Variants in UPF2 observed in about 807,000 individuals in gnomAD.
UPF2 encodes regulator of nonsense transcripts 2.
UPF2 carries 17 observed loss-of-function variants against 141.4 expected under a neutral mutation model. The observed-to-expected ratio is 0.12, with a 90% confidence interval of 0.08 to 0.18. The LOEUF (loss-of-function observed/expected upper bound fraction) is 0.18, where lower values mean the gene tolerates loss of function less well. Among genes scored for constraint, UPF2 ranks in the 10% least tolerant of loss-of-function variants. UPF2 has a pLI of 1.00. For synonymous variants in UPF2, 540 were observed against 498.0 expected (o/e 1.08, Z -1.12); for missense variants, 1,152 against 1,515.9 (o/e 0.76, Z 3.99).
intron 4 of UPF2, 135 bp from the exon 5 acceptor site, chr10:12,004,862 A>G: frequency 1.6e-5 from 13 of 794,734 alleles, no homozygotes; most frequent in Non-Finnish European, 2.5e-5. Context: ...TTCAATTAAC[A>G]AGCACATGTG....
rs139058977 is a variant in UPF2 at position 11,946,932 on chromosome 10, C to T, written c.3174+1437G>A. ...AAACTGAAGAATCATGGGCCAAATGCGGCTCACGCCTGTACTCCCAGCATT... is the reference window on the plus strand; with the variant it reads ...AAACTGAAGAATCATGGGCCAAATGTGGCTCACGCCTGTACTCCCAGCATT... On this transcript the variant is annotated intron_variant, in intron 16 of 21. Transcript: ENST00000357604. Among the ~76,000 whole-genome samples the T allele has an allele frequency of 1.6e-3, 240 of 152,276 alleles. 1 individual carries two copies. Among genetic ancestry groups the T allele is most frequent in the African/African-American group, 5.3e-3 (219 of 41,558 alleles).
chr10:11,931,028 A>T lies in UPF2; in HGVS notation c.3688+613T>A, dbSNP rs1832776563. Among the ~76,000 whole-genome samples the T allele has an allele frequency of 6.6e-6, 1 of 152,164 alleles. No individual in the cohort carries two copies. Among genetic ancestry groups the T allele is most frequent in the African/African-American group, 2.4e-5 (1 of 41,434 alleles). On this transcript the variant is annotated intron_variant, in intron 20 of 21. Transcript: ENST00000357604. The surrounding 1 kb of genome is among the most constrained non-coding windows in gnomAD (Gnocchi z 5.9). ...TCCAACTAACTGAAAAATGCTGGGT[A>T]TGTATGCATAAAATGAGAATCCTAA... is the stretch of plus-strand genomic sequence containing the variant.
intron 9 of UPF2, among the ~76,000 whole-genome samples, chr10:11,977,564 C>T (rs949716727): frequency 6.6e-6 from 1 of 152,196 alleles, no homozygotes; most frequent in Non-Finnish European, 1.5e-5. Flanking sequence ...CTTGGTCCAG[C>T]AACTTGTGTT....
At chr10:11,975,178 G>GT (rs1212445967) in intron 9 of UPF2, among the ~76,000 whole-genome samples, 1 of 152,106 alleles carries the variant, frequency 6.6e-6, no homozygotes, top group African/African-American at 2.4e-5. Flanking sequence ...GGAGGATTGC[G>GT]TGAGTCCAGA....
At position 11,955,272 on chromosome 10, in the gene UPF2, G is replaced by C; in HGVS notation, c.2810C>G (p.Ser937Cys). 2 of 1,598,064 alleles carry C rather than the reference G, an allele frequency of 1.3e-6. No homozygotes were observed. Among genetic ancestry groups the C allele is most frequent in the East Asian group, 4.5e-5 (2 of 44,554 alleles). ...GAAACAATCAAGTTTTCGTTTACTG[G>C]AACCTCTGTCAAAGTACTGGCCACA... Reference protein sequence around the residue: ...DTCGQYFDRGSSKRKLDCFLV... With the variant: ...DTCGQYFDRGCSKRKLDCFLV... Residue 937 changes from serine to cysteine, a missense_variant, in exon 14 of 22, where the codon TCC becomes TGC. Around this residue, in one of 4 missense-constraint regions of UPF2, gnomAD observed 739 missense variants for 1,032.2 expected, o/e 0.72. Coordinates refer to ENST00000357604, the MANE Select transcript of UPF2 (RefSeq NM_015542.4).
Position 11,936,136 on chromosome 10 carries a change from G to A in UPF2, c.3546+409C>T, listed in dbSNP as rs534429386. Among the ~76,000 whole-genome samples, 539 of 152,222 alleles carry A rather than the reference G, an allele frequency of 3.5e-3. 2 individuals are homozygous for A. Among genetic ancestry groups the A allele is most frequent in the Non-Finnish European group, 6.4e-3 (436 of 67,998 alleles). On this transcript the variant is annotated intron_variant, in intron 19 of 21. Coordinates refer to ENST00000357604, the MANE Select transcript of UPF2 (RefSeq NM_015542.4). The surrounding 1 kb of genome is among the most constrained non-coding windows in gnomAD (Gnocchi z 6.6). ...TATAATCCAAGCACTTTGGGAGGCCGAGATGGGCAGATCACCTGAGGTCAG... is the reference window on the plus strand; with the variant it reads ...TATAATCCAAGCACTTTGGGAGGCCAAGATGGGCAGATCACCTGAGGTCAG...
Position 11,921,948 on chromosome 10 carries a change from G to A in UPF2, c.3810-641C>T, listed in dbSNP as rs144181139. ...ATTTGGAAACAAGGTTGCTGTAGAC[G>A]TAATTACTTCAGATAAGGCCATACT... On this transcript the variant is annotated intron_variant, in intron 21 of 21. Transcript: ENST00000357604. This position sits in a 1 kb window ranked among gnomAD's most constrained non-coding sequence, Gnocchi z 5.9. 7.8e-4 allele frequency among the ~76,000 whole-genome samples: 119 copies of A among 152,278 alleles called. No individual in the cohort carries two copies. Among genetic ancestry groups the A allele is most frequent in the African/African-American group, 2.7e-3 (112 of 41,566 alleles).
chr10:12,035,298 C>G lies in UPF2; in HGVS notation c.126G>C (p.Lys42Asn), dbSNP rs767963133. ...SSKERPKDDI[K>N]LTAKKEVSKA... ...TGCTGACCTCCTTCTTGGCAGTGAGCTTGATATCGTCTTTTGGCCTCTCCT... is the reference window on the plus strand; with the variant it reads ...TGCTGACCTCCTTCTTGGCAGTGAGGTTGATATCGTCTTTTGGCCTCTCCT... The change falls in exon 2 of 22, where the codon AAG becomes AAC. Residue 42 changes from lysine (K) to asparagine (N), a missense_variant. This residue lies in a region of UPF2 where 145 missense variants were observed against 136.5 expected (regional missense o/e 1.06). Transcript: ENST00000357604. The G allele has an allele frequency of 6.2e-6, 10 of 1,613,960 alleles. No individual in the cohort carries two copies. The highest frequency in any genetic ancestry group is 3.3e-5 in the Admixed American group (2 of 59,976).
At chr10:11,982,048 A>G (rs1833606191) in intron 8 of UPF2, among the ~76,000 whole-genome samples, 2 of 151,850 alleles carry the variant, frequency 1.3e-5, no homozygotes, top group African/African-American at 4.8e-5. Context: ...AAAAAAAAAA[A>G]GCCTGGAGCA....
At position 11,935,838 on chromosome 10, in the gene UPF2, T is replaced by C. The variant is rs763124625; in HGVS notation, c.3546+707A>G. 6.6e-6 allele frequency among the ~76,000 whole-genome samples: 1 copy of C among 151,942 alleles called. No homozygotes were observed. Among genetic ancestry groups the C allele is most frequent in the Admixed American group, 6.6e-5 (1 of 15,242 alleles). On this transcript the variant is annotated intron_variant, in intron 19 of 21. Coordinates refer to ENST00000357604, the MANE Select transcript of UPF2 (RefSeq NM_015542.4). This position sits in a 1 kb window ranked among gnomAD's most constrained non-coding sequence, Gnocchi z 4.9. ...AACTATGGATCGCTAGAGTAACAGC[T>C]TGGTAGAGGGGGAAACGGTTTTGAG...
In UPF2 at chr10:12,042,438, C is replaced by T. The variant is rs1160764154; in HGVS notation, c.-19+317G>A. On this transcript the variant is annotated intron_variant, in intron 1 of 21. Transcript: ENST00000357604. This position sits in a 1 kb window ranked among gnomAD's most constrained non-coding sequence, Gnocchi z 5.5. ...TCGCTCTCCTCCACGCCCCCGAACA[C>T]TTTCGCCCCTCCACCGCGGGCTCCC... 6.6e-6 allele frequency among the ~76,000 whole-genome samples: 1 copy of T among 152,150 alleles called. No individual in the cohort carries two copies. The highest frequency in any genetic ancestry group is 1.5e-5 in the Non-Finnish European group (1 of 68,024).
In UPF2 at chr10:12,035,375, A is replaced by G. The variant is rs1421786603; in HGVS notation, c.49T>C (p.Leu17=). 1.3e-6 allele frequency: 2 copies of G among 1,599,402 alleles called. No individual in the cohort carries two copies. Among genetic ancestry groups the G allele is most frequent in the Non-Finnish European group, 1.7e-6 (2 of 1,176,534 alleles). Residue 17 remains leucine (L), a synonymous_variant, in exon 2 of 22, where the codon TTA becomes CTA. Transcript: ENST00000357604. ...KPASMEEKDS[L]PNNKEKDCSE... is the part of the protein sequence containing the mutation. The stretch of plus-strand genomic sequence containing the variant: ...CAGTCTTTTTCCTTGTTGTTTGGTA[A>G]AGAGTCTTTTTCTTCCATACTTGCT...
rs762568543 is a variant in UPF2, at chr10:11,952,185, A to G, written c.2915T>C (p.Ile972Thr). ...TAGTGTATCACTGATCATGTAATCT[A>G]TATCAATAGGAAATGGATGGTCTTT... ...WTKDHPFPID[I>T]DYMISDTLEL... is the part of the protein sequence containing the mutation. The change falls in exon 15 of 22, where the codon ATA becomes ACA. Residue 972 changes from isoleucine (I) to threonine (T), a missense_variant. Transcript: ENST00000357604. The G allele has an allele frequency of 9.3e-6, 15 of 1,613,710 alleles. No homozygotes were observed. The highest frequency in any genetic ancestry group is 6.7e-5 in the East Asian group (3 of 44,848).
chr10:11,969,315 G>A (rs918685843), intron 9 of UPF2, among the ~76,000 whole-genome samples: 6 of 151,696 alleles, frequency 4.0e-5, no homozygotes, highest in East Asian at 3.9e-4. Context: ...GATTACAGGC[G>A]CCCGCCACCA....
Position 11,931,747 on chromosome 10 carries a change from A to C in UPF2, c.3582T>G (p.Leu1194=), listed in dbSNP as rs758938805. Residue 1194 remains leucine, a synonymous_variant, in exon 20 of 22, where the codon CTT becomes CTG. Transcript: ENST00000357604. The surrounding 1 kb of genome is among the most constrained non-coding windows in gnomAD (Gnocchi z 5.9). ...GTTGCTGGTTCCAGTGATTTGCAGCAAGTTGAGAGGACATGGGTACATTAA... is the reference window on the plus strand; with the variant it reads ...GTTGCTGGTTCCAGTGATTTGCAGCCAGTTGAGAGGACATGGGTACATTAA... ...KILNVPMSSQ[L]AANHWNQQQA... is the part of the protein sequence containing the mutation. 2.5e-6 allele frequency: 4 copies of C among 1,613,312 alleles called. No individual in the cohort carries two copies. In the African/African-American group the frequency reaches 5.3e-5, roughly 22 times the overall value.
intron 2 of UPF2, among the ~76,000 whole-genome samples, chr10:12,032,467 G>A (rs559604473): frequency 2.0e-5 from 3 of 152,106 alleles, no homozygotes; most frequent in South Asian, 4.1e-4. Flanking sequence ...CTAGGTAGAT[G>A]GGGGACTAGT....
intron 9 of UPF2, among the ~76,000 whole-genome samples, chr10:11,968,319 C>T (rs186890701): frequency 9.9e-4 from 150 of 152,256 alleles, no homozygotes; most frequent in African/African-American, 2.3e-3. Context: ...GAATTTTACC[C>T]GGCCTAAGGA....
chr10:12,014,290 T>A lies in UPF2; in HGVS notation c.1146-106A>T. The stretch of plus-strand genomic sequence containing the variant: ...ATTTGATTTTCTCATACAAATTTAG[T>A]AAAATCTTCATTTTTATTTAACATT... On this transcript the variant is annotated intron_variant, in intron 3 of 21. Coordinates refer to ENST00000357604, the MANE Select transcript of UPF2 (RefSeq NM_015542.4). This position sits in a 1 kb window ranked among gnomAD's most constrained non-coding sequence, Gnocchi z 5.0. 1 of 1,095,202 alleles carries A rather than the reference T, an allele frequency of 9.1e-7. No individual in the cohort carries two copies. Among genetic ancestry groups the A allele is most frequent in the Non-Finnish European group, 1.2e-6 (1 of 849,010 alleles). The allele number at this position is 1,095,202 out of a possible 1,614,324, so 67.8% of individuals were successfully genotyped here. A position where few individuals can be genotyped will look rare whatever the true frequency, so the allele number is the denominator to read the frequency against.
At position 11,942,669 on chromosome 10, in the gene UPF2, A is replaced by G; in HGVS notation, c.3374T>C (p.Leu1125Pro). ...GAAACAAATGACATTTAATACCTGT[A>G]GATTTTCTAGCATCATTTTATCCAG... The part of the protein sequence containing the change: ...QALDKMMLEN[L>P]QQRSGESVKV... Residue 1125 changes from leucine (L) to proline (P), a missense_variant, in exon 18 of 22, where the codon CTA becomes CCA. Physicochemically the swap from Leu to Pro is moderately conservative, Grantham distance 98. This residue lies in a region of UPF2 where 202 missense variants were observed against 223.6 expected (regional missense o/e 0.90). Coordinates refer to ENST00000357604, the MANE Select transcript of UPF2 (RefSeq NM_015542.4). 6.2e-7 allele frequency: 1 copy of G among 1,613,414 alleles called. No homozygotes were observed. Among genetic ancestry groups the G allele is most frequent in the Non-Finnish European group, 8.5e-7 (1 of 1,179,508 alleles).
Sources: gnomAD v4.1 joint callset for allele counts (sites outside exome capture counted in the v4.1 genomes callset) on GRCh38, gnomAD v4.1.1 for gene constraint, gnomAD v4.1.1 regional missense constraint, Gnocchi (gnomAD v3.1) non-coding constraint, MANE v1.5 for transcripts, NCBI Gene and HGNC (gene_info 2026-07-23, HGNC 2026-07-21) for gene names.